SGCZ: variants seen among roughly 807,000 people sequenced by gnomAD.
The protein encoded by SGCZ is sarcoglycan zeta.
In SGCZ, 40 loss-of-function variants were observed where a neutral mutation model predicts 41.3. The ratio of observed to expected loss-of-function variants is 0.97; its 90% CI spans 0.75 to 1.26. The LOEUF is 1.26. Among genes scored for constraint, SGCZ ranks in the 50% most tolerant of loss-of-function variants. SGCZ has a pLI of 0.00. For synonymous variants in SGCZ, 206 were observed against 137.5 expected, an observed-to-expected ratio of 1.50 and a Z score of -3.49; for missense variants, 552 against 369.8, an observed-to-expected ratio of 1.49 and a Z score of -4.04.
intron 1 of SGCZ, among the ~76,000 whole-genome samples, chr8:14,955,466 G>T (rs556556172): frequency 6.6e-6 from 1 of 152,150 alleles, no homozygotes; most frequent in Non-Finnish European, 1.5e-5. Flanking sequence ...ACAGGGATGT[G>T]CATTTCAACT....
At chr8:15,078,147 CTTTTTTTTTT>C (rs34411963) in intron 1 of SGCZ, among the ~76,000 whole-genome samples, 64 of 44,804 alleles carry the variant, frequency 1.4e-3, no homozygotes, top group African/African-American at 2.7e-3. Flanking sequence ...AGGAACTCTT[CTTTTTTTTTT>C]TTTTTTTTTT....
intron 1 of SGCZ, among the ~76,000 whole-genome samples, chr8:15,171,740 G>A (rs983661247): frequency 1.3e-5 from 2 of 152,278 alleles, no homozygotes; most frequent in East Asian, 1.9e-4. Flanking sequence ...TGTTGTAGAT[G>A]ATTTGCATGC....
At position 14,846,037 on chromosome 8, in the gene SGCZ, T is replaced by A. The variant is rs577695393; in HGVS notation, c.40-291111A>T. Among the ~76,000 whole-genome samples, 4 of 152,222 alleles carry A rather than the reference T, an allele frequency of 2.6e-5. No individual in the cohort carries two copies. In the South Asian group the frequency reaches 8.3e-4, roughly 32 times the overall value. ...ACCCAACCACAGGGTTTCAAATACA[T>A]GAAGCAAAAACAGAAAGAAGAAATA... On this transcript the variant is annotated intron_variant, in intron 1 of 7. Transcript: ENST00000382080.
chr8:14,554,822 G>A lies in SGCZ; in HGVS notation c.144C>T (p.Cys48=), dbSNP rs568419654. 4 of 1,613,130 alleles carry A rather than the reference G, an allele frequency of 2.5e-6. No individual in the cohort carries two copies. In the South Asian group the frequency reaches 4.4e-5, roughly 18 times the overall value. ...ACAGCAGAAGGACAAAGAAGTATAA[G>A]CACCTCTTTCGCCATCCATAAATTC... The part of the protein sequence containing the change: ...PVGIYGWRKR[C]LYFFVLLLLV... The change falls in exon 2 of 8, where the codon TGC becomes TGT. Residue 48 remains cysteine (C), a synonymous_variant. Coordinates refer to ENST00000382080, the MANE Select transcript of SGCZ (RefSeq NM_139167.4).
At chr8:14,573,681 C>T (rs1352452630) in intron 1 of SGCZ, among the ~76,000 whole-genome samples, 1 of 152,006 alleles carries the variant, frequency 6.6e-6, no homozygotes, top group Non-Finnish European at 1.5e-5. Flanking sequence ...TTTCCAGCAT[C>T]AGTGTAAAAA....
chr8:14,783,439 A>C (rs1800651779), intron 1 of SGCZ, among the ~76,000 whole-genome samples: 2 of 152,168 alleles, frequency 1.3e-5, no homozygotes, highest in African/African-American at 4.8e-5. Context: ...GTCTCAAAAA[A>C]AAAAAAGAAG....
intron 2 of SGCZ, among the ~76,000 whole-genome samples, chr8:14,445,403 AG>A (rs1800402404): frequency 6.6e-6 from 1 of 152,174 alleles, no homozygotes; most frequent in African/African-American, 2.4e-5. Context: ...CTCACTTGGT[AG>A]AGGGAAGAGA....
chr8:14,718,999 C>T (rs925121859), intron 1 of SGCZ, among the ~76,000 whole-genome samples: 1 of 109,146 alleles, frequency 9.2e-6, no homozygotes, highest in Admixed American at 1.1e-4. Context: ...GCTATCCCTC[C>T]CCCCTCCCCC....
At chr8:15,152,035 G>T (rs961020178) in intron 1 of SGCZ, among the ~76,000 whole-genome samples, 10 of 152,094 alleles carry the variant, frequency 6.6e-5, no homozygotes, top group African/African-American at 2.2e-4. Flanking sequence ...AAATAAGAAA[G>T]TATCATAAAA....
At chr8:15,067,108 T>C (rs1805180333) in intron 1 of SGCZ, among the ~76,000 whole-genome samples, 1 of 152,194 alleles carries the variant, frequency 6.6e-6, no homozygotes, top group Admixed American at 6.5e-5. Context: ...TAAATGTTTA[T>C]AATTTTTTAA....
At chr8:14,659,954 G>A (rs1172383491) in intron 1 of SGCZ, among the ~76,000 whole-genome samples, 1 of 152,144 alleles carries the variant, frequency 6.6e-6, no homozygotes, top group African/African-American at 2.4e-5. Context: ...AATGGCATGT[G>A]AACATGAAGG....
At chr8:15,035,777 G>A (rs1011472924) in intron 1 of SGCZ, among the ~76,000 whole-genome samples, 3 of 152,062 alleles carry the variant, frequency 2.0e-5, no homozygotes, top group Non-Finnish European at 4.4e-5. Context: ...AATTTATCAA[G>A]AGAATATAAC....
At chr8:14,360,746 T>A (rs1290845350) in intron 2 of SGCZ, among the ~76,000 whole-genome samples, 1 of 152,228 alleles carries the variant, frequency 6.6e-6, no homozygotes, top group Non-Finnish European at 1.5e-5. Context: ...CTATTATGAA[T>A]AAAGCTGCTA....
chr8:14,302,127 G>C (rs1467408276), intron 3 of SGCZ, among the ~76,000 whole-genome samples: 1 of 151,838 alleles, frequency 6.6e-6, no homozygotes, highest in Admixed American at 6.6e-5. Flanking sequence ...CAAAATGTGG[G>C]AGAGGAACCT....
chr8:14,194,735 A>T (rs536527978), intron 4 of SGCZ, among the ~76,000 whole-genome samples: 1 of 152,130 alleles, frequency 6.6e-6, no homozygotes, highest in African/African-American at 2.4e-5. Context: ...ACAATAATAC[A>T]AAAGAGGCAG....
intron 2 of SGCZ, among the ~76,000 whole-genome samples, chr8:14,365,616 T>A (rs1437742174): frequency 1.3e-5 from 2 of 152,174 alleles, no homozygotes; most frequent in Non-Finnish European, 2.9e-5. Context: ...TTAAGGTTAA[T>A]GTTAAGTCTT....
chr8:14,386,169 G>A (rs1178666587), intron 2 of SGCZ, among the ~76,000 whole-genome samples: 1 of 152,026 alleles, frequency 6.6e-6, no homozygotes, highest in Non-Finnish European at 1.5e-5. Context: ...CATTTCTCAG[G>A]AAAGTGAAGG....
At chr8:14,249,281 T>C (rs1303532405) in intron 3 of SGCZ, among the ~76,000 whole-genome samples, 3 of 152,196 alleles carry the variant, frequency 2.0e-5, no homozygotes, top group African/African-American at 4.8e-5. Context: ...ACTTACACCA[T>C]TGGCGCTTTT....
In SGCZ at chr8:15,039,890, A is replaced by G. The variant is rs574109668; in HGVS notation, c.39+197695T>C. On this transcript the variant is annotated intron_variant, in intron 1 of 7. Transcript: ENST00000382080. ...GGTTAAACCGCAGCTTTTCATTTAC[A>G]CTACTAAGTTCCAATACCATTTTAT... Among the ~76,000 whole-genome samples, 4 of 152,300 alleles carry G rather than the reference A, an allele frequency of 2.6e-5. No homozygotes were observed. The East Asian group carries it at 7.7e-4, about 29-fold the overall frequency.
Sources: gnomAD v4.1 joint callset for allele counts (sites outside exome capture counted in the v4.1 genomes callset) on GRCh38, gnomAD v4.1.1 for gene constraint, MANE v1.5 for transcripts, NCBI Gene and HGNC (gene_info 2026-07-23, HGNC 2026-07-21) for gene names.